The following SLC4A7 variants were observed in gnomAD, a reference collection of about 807,000 sequenced individuals.
The protein encoded by SLC4A7 is sodium bicarbonate cotransporter 3.
SLC4A7 carries 51 observed loss-of-function variants against 137.6 expected under a neutral mutation model. That is an observed-to-expected ratio of 0.37 (90% confidence interval 0.30 to 0.47). SLC4A7 has a LOEUF of 0.47. Among genes scored for constraint, SLC4A7 ranks in the 20% least tolerant of loss-of-function variants. The probability of loss-of-function intolerance (pLI) is 1.00; values close to 1 mark genes in which losing one functional copy is unlikely to be tolerated. For missense variants in SLC4A7, 1,247 were observed against 1,525.4 expected (o/e 0.82, Z 3.04); for synonymous variants, 542 against 518.6 (o/e 1.05, Z -0.61).
intron 25 of SLC4A7, among the ~76,000 whole-genome samples, chr3:27,378,860 A>G (rs759144000): frequency 2.2e-4 from 33 of 152,140 alleles, no homozygotes; most frequent in Non-Finnish European, 3.8e-4. Context: ...TGTTTATTCC[A>G]TACTGCTATA....
intron 7 of SLC4A7, 80 bp downstream of exon 7, chr3:27,431,218 A>G (rs2056242590): frequency 2.1e-6 from 3 of 1,402,610 alleles, no homozygotes; most frequent in Non-Finnish European, 1.9e-6. Context: ...ATGCTGCTTA[A>G]GCTATGTGCT....
chr3:27,448,366 G>A (rs1271629672), intron 3 of SLC4A7, among the ~76,000 whole-genome samples: 1 of 151,788 alleles, frequency 6.6e-6, no homozygotes, highest in Non-Finnish European at 1.5e-5. Context: ...TAAGTGACTA[G>A]GCATAACTTT....
chr3:27,386,497 A>G (rs537111591), intron 22 of SLC4A7, among the ~76,000 whole-genome samples: 118 of 152,244 alleles, frequency 7.8e-4, no homozygotes, highest in African/African-American at 2.8e-3. Flanking sequence ...GAAGATGAGC[A>G]TGTTTTTGAA....
rs1188827703 is a variant in SLC4A7 at position 27,390,044 on chromosome 3, G to A, written c.3247C>T (p.Leu1083Phe). The change falls in exon 22 of 26, where the codon CTC becomes TTC. Residue 1083 changes from leucine to phenylalanine, a missense_variant. By Grantham distance (22) the Leu-to-Phe change is conservative. Transcript: ENST00000454389. ...ACCTTCCAGAGCGGCACATAACGGA[G>A]GTATATCAAATCAGGCTGATGCTTA... ...PAKHQPDLIYLRYVPLWKVHI... is the reference protein window; with the variant it reads ...PAKHQPDLIYFRYVPLWKVHI... 5.0e-6 allele frequency: 8 copies of A among 1,611,554 alleles called. No homozygotes were observed. Among genetic ancestry groups the A allele is most frequent in the South Asian group, 1.1e-5 (1 of 90,980 alleles).
intron 5 of SLC4A7, among the ~76,000 whole-genome samples, chr3:27,435,362 C>A (rs768971886): frequency 6.6e-6 from 1 of 152,106 alleles, no homozygotes; most frequent in Non-Finnish European, 1.5e-5. Context: ...GCTCAACCTA[C>A]CAGAGCTCTT....
At chr3:27,429,715 G>C (rs1046496549) in intron 7 of SLC4A7, among the ~76,000 whole-genome samples, 4 of 152,030 alleles carry the variant, frequency 2.6e-5, no homozygotes, top group African/African-American at 9.6e-5. Context: ...CTGGGTGGTA[G>C]TGGCACGCGC....
chr3:27,447,570 C>T (rs894967965), intron 3 of SLC4A7, among the ~76,000 whole-genome samples: 13 of 151,438 alleles, frequency 8.6e-5, no homozygotes, highest in African/African-American at 3.2e-4. Context: ...GTACAGATGG[C>T]CTTATACTAA....
At chr3:27,465,688 C>A (rs6791212) in intron 1 of SLC4A7, among the ~76,000 whole-genome samples, 27,497 of 151,534 alleles carry the variant, frequency 0.18, 2,915 homozygotes, top group Non-Finnish European at 0.25. Flanking sequence ...AGGCCGGCAC[C>A]GTGGCTCACG....
chr3:27,405,165 T>C (rs2053214477), intron 13 of SLC4A7, among the ~76,000 whole-genome samples: 2 of 152,182 alleles, frequency 1.3e-5, no homozygotes, highest in African/African-American at 2.4e-5. Flanking sequence ...TCTTTTTGCA[T>C]ATTAAAAAGA....
chr3:27,384,892 G>C (rs1214053557), intron 23 of SLC4A7, among the ~76,000 whole-genome samples: 1 of 151,928 alleles, frequency 6.6e-6, no homozygotes, highest in African/African-American at 2.4e-5. Context: ...AGTGAGCCGA[G>C]ATCATGCCAC....
At chr3:27,383,583 C>G (rs1235906395) in intron 23 of SLC4A7, among the ~76,000 whole-genome samples, 3 of 152,150 alleles carry the variant, frequency 2.0e-5, no homozygotes, top group Non-Finnish European at 4.4e-5. Context: ...AACCTTATCA[C>G]AATACAATAT....
chr3:27,408,817 GT>G (rs1459127257), intron 13 of SLC4A7, among the ~76,000 whole-genome samples: 3 of 152,240 alleles, frequency 2.0e-5, no homozygotes, highest in African/African-American at 7.2e-5. Context: ...CCAAATAAAA[GT>G]TTTAGCTATT....
chr3:27,469,922 A>G (rs1353850847), intron 1 of SLC4A7, among the ~76,000 whole-genome samples: 2 of 152,228 alleles, frequency 1.3e-5, no homozygotes, highest in Non-Finnish European at 1.5e-5. Context: ...AAGTAGCTGT[A>G]ACAAAATAAC....
chr3:27,456,940 A>T, intron 1 of SLC4A7: 2 of 985,032 alleles, frequency 2.0e-6, no homozygotes, highest in Non-Finnish European at 2.4e-6. Flanking sequence ...AAAAATACCA[A>T]GAGGAATGCA....
At chr3:27,474,996 G>A (rs1299608144) in intron 1 of SLC4A7, among the ~76,000 whole-genome samples, 2 of 152,082 alleles carry the variant, frequency 1.3e-5, no homozygotes, top group Non-Finnish European at 2.9e-5. Context: ...TGTGATCCTA[G>A]CTACTTGGGA....
At chr3:27,404,997 T>A (rs1356143357) in intron 13 of SLC4A7, 34 bp from the exon 14 acceptor site, 1 of 1,497,384 alleles carries the variant, frequency 6.7e-7, no homozygotes, top group Admixed American at 2.3e-5. Flanking sequence ...ATAAAAGCAA[T>A]ACATCATAAA....
At chr3:27,377,024 T>C (rs1365946418) in intron 25 of SLC4A7, among the ~76,000 whole-genome samples, 179 bp from the exon 26 acceptor site, 1 of 152,118 alleles carries the variant, frequency 6.6e-6, no homozygotes, top group African/African-American at 2.4e-5. Flanking sequence ...ATATTAAAAA[T>C]TGTTTTTTAA....
intron 3 of SLC4A7, among the ~76,000 whole-genome samples, chr3:27,438,230 G>A (rs2056897715): frequency 6.6e-6 from 1 of 150,588 alleles, no homozygotes; most frequent in East Asian, 2.0e-4. Context: ...AATGTGGCCG[G>A]GCACAGTGGC....
Position 27,379,361 on chromosome 3 carries a change from A to C in SLC4A7, c.3591-5T>G, listed in dbSNP as rs756541398. The C allele has an allele frequency of 1.4e-6, 2 of 1,468,706 alleles. No individual in the cohort carries two copies. The highest frequency in any genetic ancestry group is 2.4e-5 in the South Asian group (2 of 82,564). The allele number at this position is 1,468,706 out of a possible 1,614,324, so 91.0% of individuals were successfully genotyped here. On this transcript the variant is annotated splice_polypyrimidine_tract_variant and splice_region_variant and intron_variant, in intron 24 of 25. Coordinates refer to ENST00000454389, the MANE Select transcript of SLC4A7 (RefSeq NM_001321103.2). ...TTAACAATTGAGGGATCAACACTGA[A>C]GAACAAATACACTTTTTGGTTAGTA...
Sources: gnomAD v4.1 joint callset for allele counts (sites outside exome capture counted in the v4.1 genomes callset) on GRCh38, gnomAD v4.1.1 for gene constraint, MANE v1.5 for transcripts, NCBI Gene and HGNC (gene_info 2026-07-23, HGNC 2026-07-21) for gene names.